SLC30A10: variants seen among roughly 807,000 people sequenced by gnomAD.
SLC30A10 encodes the protein calcium/manganese antiporter SLC30A10.
A neutral mutation model predicts 21.7 loss-of-function variants in SLC30A10; 8 were observed. That is an observed-to-expected ratio of 0.37 (90% confidence interval 0.22 to 0.67). The LOEUF is 0.67. SLC30A10 is among the 30% of genes least tolerant of loss of function. SLC30A10 has a pLI of 0.58. For synonymous variants in SLC30A10, 272 were observed against 279.4 expected, an observed-to-expected ratio of 0.97 and a Z score of 0.26; for missense variants, 521 against 642.5, an observed-to-expected ratio of 0.81 and a Z score of 2.04.
intron 2 of SLC30A10, among the ~76,000 whole-genome samples, chr1:219,920,302 T>C (rs1193167036): frequency 6.6e-6 from 1 of 152,180 alleles, no homozygotes; most frequent in East Asian, 1.9e-4. Context: ...AAATACTTTG[T>C]TCCTCTACAA....
rs1175416688 is a variant in SLC30A10, at chr1:219,921,915, G to C, written c.719-3421C>G. ...TGTGTGTGTGTGTGTGAAAGAGAGAGAGAGACAGAGAGAGAGAGAGAGAGA... is the reference window on the plus strand; with the variant it reads ...TGTGTGTGTGTGTGTGAAAGAGAGACAGAGACAGAGAGAGAGAGAGAGAGA... On this transcript the variant is annotated intron_variant, in intron 2 of 3. Coordinates refer to ENST00000366926, the MANE Select transcript of SLC30A10 (RefSeq NM_018713.3). 3.0e-5 allele frequency among the ~76,000 whole-genome samples: 2 copies of C among 65,794 alleles called. 1 individual carries two copies. Among genetic ancestry groups the C allele is most frequent in the African/African-American group, 1.5e-4 (2 of 13,124 alleles). 43.2% of individuals were successfully genotyped at this position (65,794 alleles called of 152,430 possible).
chr1:219,945,522 G>A (rs528395506), intron 1 of SLC30A10, among the ~76,000 whole-genome samples: 6 of 152,230 alleles, frequency 3.9e-5, no homozygotes, highest in Non-Finnish European at 5.9e-5. Flanking sequence ...GAAAAACCAC[G>A]TAGAATGCAA....
chr1:219,934,126 A>C (rs1660009267), intron 1 of SLC30A10, among the ~76,000 whole-genome samples: 1 of 152,218 alleles, frequency 6.6e-6, no homozygotes, highest in East Asian at 1.9e-4. Context: ...GTCTGTACTA[A>C]AAATACAAAA....
At chr1:219,930,538 T>G (rs1659955440), upstream of SLC30A10, among the ~76,000 whole-genome samples, 1 of 152,180 alleles carries the variant, frequency 6.6e-6, no homozygotes, top group South Asian at 2.1e-4. Context: ...CTTAGCCTTG[T>G]AAAACATAAC....
chr1:219,925,727 C>G (rs1659806055), intron 2 of SLC30A10, among the ~76,000 whole-genome samples: 1 of 134,164 alleles, frequency 7.5e-6, no homozygotes, highest in Non-Finnish European at 1.5e-5. Context: ...ACAATCTCGG[C>G]TCACTGCAAC....
Position 219,951,507 on chromosome 1 carries a change from G to T in SLC30A10, n.80+7061C>A, listed in dbSNP as rs549989949. ...GAGGCCGAGGCGTGTGGATCACGAG[G>T]TCAGGAGATCGAGACCATCCTGGCT... On this transcript the variant is annotated intron_variant and non_coding_transcript_variant, in intron 1 of 8. Coordinates refer to the SLC30A10 transcript ENST00000484239. Among the ~76,000 whole-genome samples, 489 of 151,846 alleles carry T rather than the reference G, an allele frequency of 3.2e-3. 1 individual carries two copies. Among genetic ancestry groups the T allele is most frequent in the Non-Finnish European group, 2.7e-3 (181 of 67,948 alleles).
rs1371509100 is a variant in SLC30A10, at chr1:219,912,003, G to C, written c.*3446C>G. Among the ~76,000 whole-genome samples, 1 of 151,968 alleles carries C rather than the reference G, an allele frequency of 6.6e-6. No homozygotes were observed. On this transcript the variant is annotated 3_prime_UTR_variant, in exon 4 of 4. Transcript: ENST00000366926. ...TCAAAATGTCAGTAATGCCAAGACT[G>C]AGAACCCCTGGAGTAAGCCTCACAA...
chr1:219,926,125 ATATGT>A (rs1454578362), intron 2 of SLC30A10, among the ~76,000 whole-genome samples: 1 of 152,096 alleles, frequency 6.6e-6, no homozygotes, highest in African/African-American at 2.4e-5. Context: ...TTAGGAGATC[ATATGT>A]TATTGTTGTT....
At chr1:219,934,455 C>T (rs1660020356) in intron 1 of SLC30A10, among the ~76,000 whole-genome samples, 1 of 151,156 alleles carries the variant, frequency 6.6e-6, no homozygotes, top group African/African-American at 2.4e-5. Context: ...AAAAGTGAGA[C>T]TCCATCTCAA....
intron 1 of SLC30A10, among the ~76,000 whole-genome samples, chr1:219,939,156 T>C (rs2102541807): frequency 6.6e-6 from 1 of 152,224 alleles, no homozygotes; most frequent in South Asian, 2.1e-4. Flanking sequence ...ATCTAAATAC[T>C]CTTAAAAGGG....
At position 219,918,556 on chromosome 1, in the gene SLC30A10, G is replaced by T; in HGVS notation, c.719-62C>A. On this transcript the variant is annotated intron_variant, in intron 2 of 3. Coordinates refer to ENST00000366926, the MANE Select transcript of SLC30A10 (RefSeq NM_018713.3). The surrounding 1 kb of genome is among the most constrained non-coding windows in gnomAD (Gnocchi z 4.4). ...ATCTGGAAGCCACGTGACACTCACT[G>T]ACTTGGGTGTCCGGGTATATGAATA... 2 of 1,516,576 alleles carry T rather than the reference G, an allele frequency of 1.3e-6. No individual in the cohort carries two copies. Among genetic ancestry groups the T allele is most frequent in the South Asian group, 2.6e-5 (2 of 75,554 alleles). 93.9% of individuals were successfully genotyped at this position (1,516,576 alleles called of 1,614,324 possible).
In SLC30A10 at chr1:219,939,680, G is replaced by C. The variant is rs571378649; in HGVS notation, n.81-12575C>G. 2.0e-5 allele frequency among the ~76,000 whole-genome samples: 3 copies of C among 152,216 alleles called. No individual in the cohort carries two copies. In the East Asian group the frequency reaches 5.8e-4, roughly 29 times the overall value. ...CCTGACTTCATGATCCACCCACCTC[G>C]GCCAGCCAAAGTGCTGGGATTACAG... On this transcript the variant is annotated intron_variant and non_coding_transcript_variant, in intron 1 of 8. Transcript: ENST00000484239.
At chr1:219,923,049 C>T (rs945117398) in intron 2 of SLC30A10, among the ~76,000 whole-genome samples, 3 of 151,984 alleles carry the variant, frequency 2.0e-5, no homozygotes, top group African/African-American at 7.2e-5. Flanking sequence ...GGAGGTGAGG[C>T]CATGAAGGGG....
At chr1:219,944,396 C>T (rs1161879416) in intron 1 of SLC30A10, among the ~76,000 whole-genome samples, 3 of 136,932 alleles carry the variant, frequency 2.2e-5, no homozygotes, top group South Asian at 2.6e-4. Flanking sequence ...TGCAATGAGC[C>T]GAGATCGCGC....
At position 219,927,952 on chromosome 1, in the gene SLC30A10, G is replaced by C; in HGVS notation, c.489C>G (p.Val163=). ...CCTGAGGCCCCCCGAAAGCGCCGGG[G>C]ACACAGCCCTCCGCCAGCTGCTGCC... ...QQRQQLAEGC[V]PGAFGGPQGA... The change falls in exon 1 of 4, where the codon GTC becomes GTG. Residue 163 remains valine, a synonymous_variant. Transcript: ENST00000366926. 1 of 1,543,698 alleles carries C rather than the reference G, an allele frequency of 6.5e-7. No individual in the cohort carries two copies. The highest frequency in any genetic ancestry group is 8.7e-7 in the Non-Finnish European group (1 of 1,144,384).
chr1:219,953,849 G>C (rs929372887), intron 1 of SLC30A10, among the ~76,000 whole-genome samples: 1 of 151,646 alleles, frequency 6.6e-6, no homozygotes, highest in Non-Finnish European at 1.5e-5. Flanking sequence ...TGGGACTACA[G>C]GCGCCTGCCA....
intron 1 of SLC30A10, among the ~76,000 whole-genome samples, chr1:219,949,605 T>A (rs1385332373): frequency 1.3e-5 from 2 of 151,710 alleles, no homozygotes; most frequent in East Asian, 3.9e-4. Context: ...TGGGGACTGT[T>A]GGGGGGAGCG....
At chr1:219,956,663 T>TAAAAAAAAAAAA in intron 1 of SLC30A10, among the ~76,000 whole-genome samples, 1 of 136,424 alleles carries the variant, frequency 7.3e-6, no homozygotes. Context: ...AAATAAAAAT[T>TAAAAAAAAAAAA]AAAAAAAAAA....
intron 3 of SLC30A10, among the ~76,000 whole-genome samples, chr1:219,916,968 G>GTTTT (rs749604118): frequency 7.6e-6 from 1 of 132,296 alleles, no homozygotes; most frequent in Admixed American, 7.7e-5. Context: ...ATCTTGTGGG[G>GTTTT]TTTTTTTTTT....
Sources: allele counts gnomAD v4.1 joint callset (sites outside exome capture counted in the v4.1 genomes callset), GRCh38; gene constraint gnomAD v4.1.1; non-coding constraint Gnocchi (gnomAD v3.1); transcripts MANE v1.5; gene names NCBI Gene and HGNC (gene_info 2026-07-23, HGNC 2026-07-21).